The following FRYL variants were observed in gnomAD, a reference collection of about 807,000 sequenced individuals.
FRYL encodes protein furry homolog-like.
A neutral mutation model predicts 351.2 loss-of-function variants in FRYL; 150 were observed. That is an observed-to-expected ratio of 0.43 (90% confidence interval 0.37 to 0.49). FRYL has a LOEUF of 0.49. Ranked by LOEUF, FRYL falls within the 20% of genes least tolerant of loss-of-function variation. The pLI, the probability that FRYL is intolerant of heterozygous loss-of-function variation, is 0.00. For missense variants in FRYL, 3,036 were observed against 3,619.3 expected (o/e 0.84, Z 4.13); for synonymous variants, 1,153 against 1,257.1 (o/e 0.92, Z 1.75).
At chr4:48,519,787 G>A (rs1358903831) in intron 55 of FRYL, among the ~76,000 whole-genome samples, 1 of 151,504 alleles carries the variant, frequency 6.6e-6, no homozygotes, top group Non-Finnish European at 1.5e-5. Flanking sequence ...AGGCTAGAGT[G>A]CAATGGTGAC....
At position 48,540,907 on chromosome 4, in the gene FRYL, C is replaced by T; in HGVS notation, c.5741G>A (p.Ser1914Asn). The T allele has an allele frequency of 1.2e-6, 2 of 1,611,946 alleles. No individual in the cohort carries two copies. Among genetic ancestry groups the T allele is most frequent in the Non-Finnish European group, 1.7e-6 (2 of 1,178,502 alleles). Residue 1914 changes from serine (S) to asparagine (N), a missense_variant, in exon 46 of 64, where the codon AGC becomes AAC. Around this residue, in one of 7 missense-constraint regions of FRYL, gnomAD observed 1,987 missense variants for 2,311.7 expected, o/e 0.86. Transcript: ENST00000358350. The stretch of plus-strand genomic sequence containing the variant: ...TGTGCTTAGATTGAGTTGTCCAGTG[C>T]TTTTCCTGTTAGCTGCATACTTGTT... The part of the protein sequence containing the change: ...MGNKYAANRK[S>N]TGQLNLSTSP...
At chr4:48,723,137 T>C (rs967289873) in intron 1 of FRYL, among the ~76,000 whole-genome samples, 1 of 152,056 alleles carries the variant, frequency 6.6e-6, no homozygotes. Context: ...ACAGGTTTTT[T>C]TTTGTTTGTT....
rs1371488473 is a variant in FRYL at position 48,719,589 on chromosome 4, T to C, written c.-383-8891A>G. ...AAGTGCCCAATAAATATATTATAAA[T>C]TGACAAAACAAAACAACAGAAATAT... On this transcript the variant is annotated intron_variant, in intron 1 of 63. Coordinates refer to ENST00000358350, the MANE Select transcript of FRYL (RefSeq NM_015030.2). Among the ~76,000 whole-genome samples the C allele has an allele frequency of 2.6e-5, 4 of 151,658 alleles. No individual in the cohort carries two copies. The East Asian group carries it at 7.7e-4, about 29-fold the overall frequency.
At chr4:48,535,386 GA>G (rs1005690791) in intron 48 of FRYL, among the ~76,000 whole-genome samples, 1 of 151,028 alleles carries the variant, frequency 6.6e-6, no homozygotes, top group Admixed American at 6.6e-5. Context: ...ACTGGACATG[GA>G]AAAAAAACCC....
chr4:48,531,968 C>T (rs1428608429), intron 49 of FRYL, among the ~76,000 whole-genome samples: 2 of 151,728 alleles, frequency 1.3e-5, no homozygotes, highest in Non-Finnish European at 2.9e-5. Flanking sequence ...AATTTTTCTG[C>T]TTGTCTTAGT....
chr4:48,648,052 T>C (rs1317301213), intron 3 of FRYL, among the ~76,000 whole-genome samples: 1 of 152,196 alleles, frequency 6.6e-6, no homozygotes, highest in Non-Finnish European at 1.5e-5. Context: ...CCCATCACTA[T>C]GAATGTTTTG....
At chr4:48,667,733 C>T (rs188158139) in intron 3 of FRYL, among the ~76,000 whole-genome samples, 26 of 152,196 alleles carry the variant, frequency 1.7e-4, no homozygotes, top group Admixed American at 1.3e-3. Context: ...CTGTAACCTC[C>T]GCCTCCCAGG....
chr4:48,578,486 C>T lies in FRYL; in HGVS notation c.2528+487G>A, dbSNP rs111362813. ...AATGACCTTGGTCAACTCTCCATTT[C>T]ATCATCAGTTATTCCAAATCTTTAC... On this transcript the variant is annotated intron_variant, in intron 23 of 63. Transcript: ENST00000358350. Among the ~76,000 whole-genome samples the T allele has an allele frequency of 6.2e-3, 937 of 152,320 alleles. 12 individuals carry two copies. Among genetic ancestry groups the T allele is most frequent in the African/African-American group, 0.021 (879 of 41,562 alleles).
intron 50 of FRYL, among the ~76,000 whole-genome samples, 162 bp from the exon 51 acceptor site, chr4:48,528,498 G>GAT (rs748054830): frequency 4.6e-5 from 7 of 151,966 alleles, no homozygotes; most frequent in Non-Finnish European, 8.8e-5. Flanking sequence ...CAAAGGTAAT[G>GAT]ATATATATAT....
At chr4:48,518,168 G>A (rs540044296) in intron 55 of FRYL, among the ~76,000 whole-genome samples, 16 of 152,158 alleles carry the variant, frequency 1.1e-4, no homozygotes, top group Non-Finnish European at 2.1e-4. Flanking sequence ...GTGTTACGGT[G>A]TATGGTGTGA....
chr4:48,632,686 C>A (rs1269163625), intron 4 of FRYL, among the ~76,000 whole-genome samples: 1 of 151,954 alleles, frequency 6.6e-6, no homozygotes, highest in African/African-American at 2.4e-5. Flanking sequence ...AACATCTGCA[C>A]AGTTTTGAAA....
chr4:48,500,680 C>A (rs1023283351), intron 62 of FRYL, among the ~76,000 whole-genome samples: 4 of 152,072 alleles, frequency 2.6e-5, no homozygotes, highest in Non-Finnish European at 4.4e-5. Context: ...TTATTACCAG[C>A]AGATGACAAG....
chr4:48,534,770 A>G (rs1217461870), intron 48 of FRYL, 85 bp from the exon 49 acceptor site: 2 of 828,412 alleles, frequency 2.4e-6, no homozygotes, highest in Non-Finnish European at 3.7e-6. Flanking sequence ...CAGGTTGGAA[A>G]ACATAGATTT....
At chr4:48,528,468 A>C in intron 50 of FRYL, 132 bp from the exon 51 acceptor site, 1 of 522,864 alleles carries the variant, frequency 1.9e-6, no homozygotes. Flanking sequence ...ACTTTGCATG[A>C]GGCAGATGTT....
chr4:48,717,480 G>A (rs536313046), intron 1 of FRYL, among the ~76,000 whole-genome samples: 3 of 151,566 alleles, frequency 2.0e-5, no homozygotes, highest in South Asian at 2.1e-4. Flanking sequence ...TGATGAAAAT[G>A]TTCTCAAAAT....
intron 1 of FRYL, among the ~76,000 whole-genome samples, chr4:48,719,762 A>G (rs1769254002): frequency 6.6e-6 from 1 of 151,600 alleles, no homozygotes; most frequent in South Asian, 2.1e-4. Context: ...ACCACCCTCT[A>G]TTTCCTGATT....
At chr4:48,577,817 A>G (rs1347079752) in intron 23 of FRYL, among the ~76,000 whole-genome samples, 2 of 151,876 alleles carry the variant, frequency 1.3e-5, no homozygotes, top group Non-Finnish European at 2.9e-5. Flanking sequence ...TCGACATTGC[A>G]ATGAGCTATG....
intron 1 of FRYL, among the ~76,000 whole-genome samples, chr4:48,771,842 A>C (rs1775548479): frequency 6.6e-6 from 1 of 152,222 alleles, no homozygotes; most frequent in Non-Finnish European, 1.5e-5. Context: ...CAGCACACTG[A>C]AAACATCAAA....
rs1192397297 is a variant in FRYL, at chr4:48,499,485, C to A, written c.8979G>T (p.Val2993=). 1 of 1,613,890 alleles carries A rather than the reference C, an allele frequency of 6.2e-7. No individual in the cohort carries two copies. The highest frequency in any genetic ancestry group is 8.5e-7 in the Non-Finnish European group (1 of 1,179,786). The change falls in exon 64 of 64, where the codon GTG becomes GTT. Residue 2993 remains valine (V), a synonymous_variant. Coordinates refer to ENST00000358350, the MANE Select transcript of FRYL (RefSeq NM_015030.2). ...NLEIRESLRM[V]QSYQLLAQAK... is the part of the protein sequence containing the mutation. ...CCTGTGCTAGAAGTTGGTATGATTG[C>A]ACCATGCGTAGAGACTCTCTTATTT...
Sources: gnomAD v4.1 joint callset for allele counts (sites outside exome capture counted in the v4.1 genomes callset) on GRCh38, gnomAD v4.1.1 for gene constraint, gnomAD v4.1.1 regional missense constraint, MANE v1.5 for transcripts, NCBI Gene and HGNC (gene_info 2026-07-23, HGNC 2026-07-21) for gene names.